B4GALNT3: variants seen among roughly 807,000 people sequenced by gnomAD.
B4GALNT3 encodes the protein beta-1,4-N-acetylgalactosaminyltransferase 3.
In B4GALNT3, 86 loss-of-function variants were observed where a neutral mutation model predicts 120.2. The observed-to-expected ratio is 0.72, with a 90% CI of 0.60 to 0.86. The LOEUF (loss-of-function observed/expected upper bound fraction) is 0.86, where lower values mean the gene tolerates loss of function less well. Among genes scored for constraint, B4GALNT3 ranks in the 40% least tolerant of loss-of-function variants. The pLI is 0.00. For missense variants in B4GALNT3, 1,167 were observed against 1,298.9 expected (o/e 0.90, Z 1.56); for synonymous variants, 518 against 510.4 (o/e 1.01, Z -0.20).
At position 544,973 on chromosome 12, in the gene B4GALNT3, G is replaced by A. The variant is rs1439672514; in HGVS notation, c.538+1G>A. The A allele has an allele frequency of 6.2e-7, 1 of 1,613,646 alleles. No homozygotes were observed. The highest frequency in any genetic ancestry group is 8.5e-7 in the Non-Finnish European group (1 of 1,179,832). On this transcript the variant is annotated splice_donor_variant, in intron 5 of 19. Coordinates refer to ENST00000266383, the MANE Select transcript of B4GALNT3 (RefSeq NM_173593.4). LOFTEE classifies it high-confidence loss of function. ...GGCTACCTGCACCCCTTTACTGATG[G>A]TGAGGCCAGCCCCAAAACCCCATCC...
intron 4 of B4GALNT3, among the ~76,000 whole-genome samples, 169 bp from the exon 5 acceptor site, chr12:544,713 C>G (rs1444718919): frequency 1.3e-5 from 2 of 152,162 alleles, no homozygotes; most frequent in Non-Finnish European, 2.9e-5. Flanking sequence ...TACAAGGTCT[C>G]CTGGACAAAG....
chr12:541,912 A>C (rs117151818), intron 3 of B4GALNT3, among the ~76,000 whole-genome samples: 9,470 of 140,636 alleles, frequency 0.067, 406 homozygotes, highest in Non-Finnish European at 0.091. Flanking sequence ...CTCTGGTGGC[A>C]TGCCCTCCCC....
intron 1 of B4GALNT3, among the ~76,000 whole-genome samples, chr12:484,849 C>T (rs917260729): frequency 6.6e-5 from 10 of 151,716 alleles, no homozygotes; most frequent in African/African-American, 2.2e-4. Flanking sequence ...CTAAATTCCT[C>T]CCAGTAATGG....
chr12:536,753 C>T (rs1019242904), intron 3 of B4GALNT3, among the ~76,000 whole-genome samples: 17 of 152,182 alleles, frequency 1.1e-4, no homozygotes, highest in African/African-American at 4.1e-4. Flanking sequence ...GTGTGGCAGG[C>T]TTTGTGGATC....
At chr12:514,208 T>G (rs1946627168) in intron 1 of B4GALNT3, among the ~76,000 whole-genome samples, 1 of 151,040 alleles carries the variant, frequency 6.6e-6, no homozygotes, top group Non-Finnish European at 1.5e-5. Flanking sequence ...GTTTTTTTTT[T>G]TTTTTTTGAG....
In B4GALNT3 at chr12:549,845, T is replaced by C; in HGVS notation, c.930T>C (p.Ala310=). The C allele has an allele frequency of 6.2e-7, 1 of 1,613,744 alleles. No homozygotes were observed. The highest frequency in any genetic ancestry group is 1.3e-5 in the African/African-American group (1 of 75,034). ...TAASHVDSSN[A]LPRDEQPPAD... ...CCAGCCACGTGGACTCCTCCAACGC[T>C]CTTCCCAGGGATGAGCAGCCGCCCG... Residue 310 remains alanine, a synonymous_variant, in exon 10 of 20, where the codon GCT becomes GCC. Coordinates refer to ENST00000266383, the MANE Select transcript of B4GALNT3 (RefSeq NM_173593.4).
intron 1 of B4GALNT3, among the ~76,000 whole-genome samples, chr12:512,269 T>TCCAC (rs1313410613): frequency 3.0e-5 from 1 of 33,688 alleles, no homozygotes; most frequent in African/African-American, 1.8e-4. Flanking sequence ...TCTTCCACCT[T>TCCAC]CTTCCACCTT....
chr12:480,785 T>C (rs1185271645), intron 1 of B4GALNT3, among the ~76,000 whole-genome samples: 1 of 152,156 alleles, frequency 6.6e-6, no homozygotes, highest in African/African-American at 2.4e-5. Context: ...TCATGGACGA[T>C]GGTCCTTAGA....
At chr12:551,572 A>C (rs892543641) in intron 11 of B4GALNT3, among the ~76,000 whole-genome samples, 2 of 152,246 alleles carry the variant, frequency 1.3e-5, no homozygotes, top group African/African-American at 4.8e-5. Flanking sequence ...GTCAGGAGGC[A>C]TCACCAGGTC....
At chr12:489,075 A>G (rs539063451) in intron 1 of B4GALNT3, among the ~76,000 whole-genome samples, 4 of 151,422 alleles carry the variant, frequency 2.6e-5, no homozygotes, top group Non-Finnish European at 5.9e-5. Context: ...ACAGAAAACC[A>G]AATACCACGT....
intron 11 of B4GALNT3, 140 bp from the exon 12 acceptor site, chr12:551,923 A>C: frequency 1.4e-6 from 1 of 696,892 alleles, no homozygotes; most frequent in South Asian, 1.6e-5. Context: ...CGGCGCTCAG[A>C]GCAACCCTTC....
Position 556,711 on chromosome 12 carries a change from GGGA to G in B4GALNT3, c.2231_2233del (p.Glu744del). ...TGGCAGGGCATCGATCCAGCTGGTG[GGGA>G]GGAGGTCGAGGCCCGGAACCTGCAA... is the stretch of plus-strand genomic sequence containing the variant. On this transcript the variant is annotated inframe_deletion, in exon 15 of 20. Transcript: ENST00000266383. The G allele has an allele frequency of 6.2e-7, 1 of 1,613,924 alleles. No individual in the cohort carries two copies. Among genetic ancestry groups the G allele is most frequent in the Non-Finnish European group, 8.5e-7 (1 of 1,180,014 alleles).
intron 1 of B4GALNT3, among the ~76,000 whole-genome samples, chr12:472,088 G>A (rs1946142585): frequency 6.6e-6 from 1 of 152,186 alleles, no homozygotes; most frequent in Admixed American, 6.5e-5. Flanking sequence ...TTCCATTTGA[G>A]GAATATAGCA....
At chr12:492,436 A>G (rs1946351180) in intron 1 of B4GALNT3, among the ~76,000 whole-genome samples, 1 of 152,246 alleles carries the variant, frequency 6.6e-6, no homozygotes, top group East Asian at 1.9e-4. Context: ...TAGATGAGGA[A>G]AACTACAAAA....
Position 552,511 on chromosome 12 carries a change from AG to A in B4GALNT3, c.1257del (p.Leu420TrpfsTer11). On this transcript the variant is annotated frameshift_variant, in exon 13 of 20. Coordinates refer to ENST00000266383, the MANE Select transcript of B4GALNT3 (RefSeq NM_173593.4). LOFTEE classifies it high-confidence loss of function. ...ATCAAGATTGACCAGCCTGAGAAGC[AG>A]GGGCTGGAGCAGCCAGGTACAGAGT... ...EYIKIDQPEKQGLEQPGFEEN... is the reference protein window; with the variant it reads ...EYIKIDQPEKXGLEQPGFEEN... 1 of 1,613,846 alleles carries A rather than the reference AG, an allele frequency of 6.2e-7. No individual in the cohort carries two copies.
chr12:500,864 G>GTTTTTTTT (rs1565594758), intron 1 of B4GALNT3, among the ~76,000 whole-genome samples: 5 of 16,752 alleles, frequency 3.0e-4, no homozygotes, highest in African/African-American at 6.5e-4. Context: ...TGGCTCCACT[G>GTTTTTTTT]CTTTTTTTTT....
intron 1 of B4GALNT3, among the ~76,000 whole-genome samples, chr12:470,111 T>C (rs12317619): frequency 0.057 from 8,673 of 151,992 alleles, 371 homozygotes; most frequent in African/African-American, 0.13. Flanking sequence ...CTTGCAGGAG[T>C]AGATTTGGAA....
chr12:549,562 C>G (rs1054295626), intron 9 of B4GALNT3, among the ~76,000 whole-genome samples: 2 of 152,218 alleles, frequency 1.3e-5, no homozygotes, highest in Non-Finnish European at 2.9e-5. Context: ...GTGGGTCAGC[C>G]GTGGGGCTGG....
chr12:479,864 G>A (rs1355260044), intron 1 of B4GALNT3, among the ~76,000 whole-genome samples: 1 of 149,006 alleles, frequency 6.7e-6, no homozygotes, highest in African/African-American at 2.5e-5. Context: ...AGGATGGGGA[G>A]TTCTATTCAG....
Sources: gnomAD v4.1 joint callset for allele counts (sites outside exome capture counted in the v4.1 genomes callset) on GRCh38, gnomAD v4.1.1 for gene constraint, MANE v1.5 for transcripts, NCBI Gene and HGNC (gene_info 2026-07-23, HGNC 2026-07-21) for gene names.